Variants in SLC13A3 observed in about 807,000 individuals in gnomAD.
SLC13A3 encodes the protein solute carrier family 13 member 3.
Under a neutral mutation model 59.0 loss-of-function variants are expected in SLC13A3, and 40 were observed. The observed-to-expected ratio is 0.68, with a 90% confidence interval of 0.53 to 0.88. SLC13A3 has a LOEUF of 0.88. Among genes scored for constraint, SLC13A3 ranks in the 40% least tolerant of loss-of-function variants. SLC13A3 has a pLI of 0.00. For synonymous variants in SLC13A3, 317 were observed against 330.3 expected (o/e 0.96, Z 0.44); for missense variants, 699 against 783.2 (o/e 0.89, Z 1.28).
intron 6 of SLC13A3, among the ~76,000 whole-genome samples, chr20:46,589,465 G>T (rs1041074544): frequency 5.3e-5 from 8 of 152,186 alleles, no homozygotes; most frequent in East Asian, 1.9e-4. Context: ...TGAATCTGAT[G>T]ATATGACTTC....
At chr20:46,661,826 T>C (rs1169842509) in intron 1 of SLC13A3, among the ~76,000 whole-genome samples, 2 of 152,308 alleles carry the variant, frequency 1.3e-5, no homozygotes, top group Non-Finnish European at 1.5e-5. Flanking sequence ...TTTCTGTCTG[T>C]TCTCCTGACC....
At chr20:46,676,508 GC>G (rs1406322201) in intron 1 of SLC13A3, among the ~76,000 whole-genome samples, 2 of 149,268 alleles carry the variant, frequency 1.3e-5, no homozygotes, top group Non-Finnish European at 3.0e-5. Flanking sequence ...GCCCACCTCA[GC>G]CTCCCAAATT....
chr20:46,639,537 G>A (rs781617278), intron 1 of SLC13A3, among the ~76,000 whole-genome samples: 15 of 152,134 alleles, frequency 9.9e-5, no homozygotes, highest in Non-Finnish European at 1.6e-4. Context: ...TCCCTCCACT[G>A]CCTGATCACT....
At chr20:46,641,008 G>A (rs1478957822) in intron 1 of SLC13A3, among the ~76,000 whole-genome samples, 2 of 152,176 alleles carry the variant, frequency 1.3e-5, no homozygotes, top group East Asian at 1.9e-4. Context: ...GCGGGTCTAT[G>A]TGCCCACTTG....
At chr20:46,583,172 T>A in intron 9 of SLC13A3, 1 of 713,996 alleles carries the variant, frequency 1.4e-6, no homozygotes, top group Non-Finnish European at 1.7e-6. Context: ...CTTATATAAC[T>A]AAAGAAAATA....
At chr20:46,664,567 C>G (rs1397211574) in intron 1 of SLC13A3, among the ~76,000 whole-genome samples, 1 of 152,102 alleles carries the variant, frequency 6.6e-6, no homozygotes, top group African/African-American at 2.4e-5. Flanking sequence ...AAATTAAAAT[C>G]CCTGACCTCA....
Position 46,559,941 on chromosome 20 carries a change from T to G in SLC13A3, c.*81A>C. The G allele has an allele frequency of 7.4e-7, 1 of 1,359,994 alleles. No individual in the cohort carries two copies. The highest frequency in any genetic ancestry group is 1.0e-6 in the Non-Finnish European group (1 of 975,028). The allele number at this position is 1,359,994 out of a possible 1,614,324, so 84.2% of individuals were successfully genotyped here. ...TGGATTACAGAAAAGAATTATTTGA[T>G]TGTTTTGTAGTGTCCTAGCAGCAGG... is the stretch of plus-strand genomic sequence containing the variant. On this transcript the variant is annotated 3_prime_UTR_variant, in exon 13 of 13. Coordinates refer to ENST00000279027, the MANE Select transcript of SLC13A3 (RefSeq NM_022829.6).
intron 1 of SLC13A3, among the ~76,000 whole-genome samples, chr20:46,635,616 T>A (rs184636429): frequency 3.3e-5 from 5 of 152,276 alleles, no homozygotes; most frequent in Non-Finnish European, 7.4e-5. Context: ...GTTATCATCA[T>A]GGGACCTACT....
At chr20:46,574,620 T>G (rs1023007548) in intron 10 of SLC13A3, among the ~76,000 whole-genome samples, 7 of 152,160 alleles carry the variant, frequency 4.6e-5, no homozygotes, top group Non-Finnish European at 1.0e-4. Context: ...AATATTACTA[T>G]CTAGGACTTA....
chr20:46,656,893 G>T (rs914638269), intron 1 of SLC13A3, among the ~76,000 whole-genome samples: 1 of 151,916 alleles, frequency 6.6e-6, no homozygotes, highest in African/African-American at 2.4e-5. Flanking sequence ...TTCTCCATTT[G>T]CTGTTGAACC....
intron 1 of SLC13A3, among the ~76,000 whole-genome samples, chr20:46,682,752 T>C (rs2063159478): frequency 6.6e-6 from 1 of 152,182 alleles, no homozygotes; most frequent in South Asian, 2.1e-4. Flanking sequence ...ATATTTCCTA[T>C]TGCCCAGTGT....
In SLC13A3 at chr20:46,566,330, C is replaced by T. The variant is rs752242423; in HGVS notation, c.1393G>A (p.Ala465Thr). Residue 465 changes from alanine (A) to threonine (T), a missense_variant, in exon 11 of 13, where the codon GCC becomes ACC. By Grantham distance (58) the Ala-to-Thr change is moderately conservative. Transcript: ENST00000279027. ...QLHPLENVPPALAVLLITVVI... is the reference protein window; with the variant it reads ...QLHPLENVPPTLAVLLITVVI... Reference sequence around the variant, plus strand: ...ACAGTGATGAGCAGCACAGCCAGGGCGGGGGGCACATTCTCCAGGGGGTGC... The same window carrying T: ...ACAGTGATGAGCAGCACAGCCAGGGTGGGGGGCACATTCTCCAGGGGGTGC... The T allele has an allele frequency of 4.3e-5, 69 of 1,612,536 alleles. No individual in the cohort carries two copies. Among genetic ancestry groups the T allele is most frequent in the Non-Finnish European group, 5.3e-5 (63 of 1,178,978 alleles).
At chr20:46,617,607 T>TGTGC (rs1207741635) in intron 1 of SLC13A3, among the ~76,000 whole-genome samples, 1 of 51,216 alleles carries the variant, frequency 2.0e-5, no homozygotes, top group African/African-American at 1.0e-4. Flanking sequence ...TGTGTGTGTG[T>TGTGC]GCGTGTGTGT....
At chr20:46,607,158 T>C (rs1432872933) in intron 3 of SLC13A3, among the ~76,000 whole-genome samples, 2 of 152,208 alleles carry the variant, frequency 1.3e-5, no homozygotes, top group Non-Finnish European at 2.9e-5. Flanking sequence ...ATCTATAAAA[T>C]GGGCATCATT....
chr20:46,674,780 T>C (rs532704247), upstream of SLC13A3, among the ~76,000 whole-genome samples: 2 of 152,198 alleles, frequency 1.3e-5, no homozygotes, highest in African/African-American at 4.8e-5. Flanking sequence ...GGCACCATGG[T>C]AGAAATTAGG....
chr20:46,611,438 T>C (rs1458788679), intron 2 of SLC13A3, among the ~76,000 whole-genome samples: 1 of 152,124 alleles, frequency 6.6e-6, no homozygotes, highest in Admixed American at 6.5e-5. Context: ...CCCTTGGAGA[T>C]CAAATTCCAC....
intron 1 of SLC13A3, among the ~76,000 whole-genome samples, chr20:46,677,948 A>C (rs75914632): frequency 0.014 from 2,206 of 152,328 alleles, 47 homozygotes; most frequent in African/African-American, 0.051. Flanking sequence ...CATATGAAAC[A>C]ATCCATATGT....
intron 3 of SLC13A3, among the ~76,000 whole-genome samples, chr20:46,606,254 C>A (rs2062436509): frequency 6.6e-6 from 1 of 152,166 alleles, no homozygotes; most frequent in South Asian, 2.1e-4. Flanking sequence ...TTACCTGTGC[C>A]TCCAATGCCT....
At chr20:46,582,543 C>A (rs187460706) in intron 9 of SLC13A3, 2 of 717,060 alleles carry the variant, frequency 2.8e-6, no homozygotes, top group Non-Finnish European at 1.7e-6. Context: ...TTCGAGACTG[C>A]GCTGAGCTGT....
Sources: gnomAD v4.1 joint callset for allele counts (sites outside exome capture counted in the v4.1 genomes callset) on GRCh38, gnomAD v4.1.1 for gene constraint, MANE v1.5 for transcripts, NCBI Gene and HGNC (gene_info 2026-07-23, HGNC 2026-07-21) for gene names.